PRPF31: variants seen among roughly 807,000 people sequenced by gnomAD.
The protein encoded by PRPF31 is pre-mRNA processing factor 31.
Under a neutral mutation model 60.4 loss-of-function variants are expected in PRPF31, and 12 were observed. The observed-to-expected ratio is 0.20, with a 90% CI of 0.13 to 0.32. PRPF31 has a LOEUF of 0.32. Ranked by LOEUF, PRPF31 falls within the 10% of genes least tolerant of loss-of-function variation. The probability of loss-of-function intolerance (pLI) is 1.00; values close to 1 mark genes in which losing one functional copy is unlikely to be tolerated. For synonymous variants in PRPF31, 287 were observed against 287.9 expected, an observed-to-expected ratio of 1.00 and a Z score of 0.03; for missense variants, 431 against 687.1, an observed-to-expected ratio of 0.63 and a Z score of 4.17.
intron 7 of PRPF31, chr19:54,124,289 C>A: frequency 1.6e-6 from 1 of 644,728 alleles, no homozygotes; most frequent in Non-Finnish European, 2.7e-6. Flanking sequence ...CCTGCACCCC[C>A]AGGCCAGCTG....
chr19:54,121,807 C>T (rs587643550), intron 3 of PRPF31, 53 bp from the exon 4 acceptor site: 60 of 1,537,322 alleles, frequency 3.9e-5, no homozygotes, highest in Non-Finnish European at 4.8e-5. Flanking sequence ...CTGCGGGACC[C>T]GAGAGGGGGT....
intron 7 of PRPF31, 178 bp from the exon 8 acceptor site, chr19:54,124,321 T>C: frequency 1.4e-6 from 1 of 693,790 alleles, no homozygotes; most frequent in Admixed American, 2.3e-5. Context: ...TGAGCCTCCT[T>C]TGCATCTGCC....
intron 12 of PRPF31, 41 bp from the exon 13 acceptor site, chr19:54,129,230 GT>G: frequency 6.2e-7 from 1 of 1,602,170 alleles, no homozygotes; most frequent in Non-Finnish European, 8.5e-7. Flanking sequence ...GGGACACAAG[GT>G]GGGGGGAGCC....
At chr19:54,116,529 G>A (rs1272440937) in intron 1 of PRPF31, among the ~76,000 whole-genome samples, 1 of 152,202 alleles carries the variant, frequency 6.6e-6, no homozygotes, top group Non-Finnish European at 1.5e-5. Flanking sequence ...TTACCCAAAA[G>A]TCTTAATATG....
intron 3 of PRPF31, among the ~76,000 whole-genome samples, chr19:54,119,137 C>G (rs138576298): frequency 0.022 from 3,283 of 152,228 alleles, 62 homozygotes; most frequent in African/African-American, 0.053. Flanking sequence ...AATCCCAGCA[C>G]TTTGGGAGGC....
chr19:54,129,239 G>C (rs767118963), intron 12 of PRPF31, 33 bp from the exon 13 acceptor site: 1 of 1,603,700 alleles, frequency 6.2e-7, no homozygotes. Flanking sequence ...GGTGGGGGGA[G>C]CCCAGATCGC....
intron 7 of PRPF31, 143 bp downstream of exon 7, chr19:54,124,061 G>A: frequency 1.4e-6 from 2 of 1,475,338 alleles, no homozygotes; most frequent in Non-Finnish European, 1.8e-6. Flanking sequence ...AGGTCAGCCA[G>A]CCTGGCACAC....
chr19:54,117,797 A>G (rs1010150866), intron 1 of PRPF31, among the ~76,000 whole-genome samples: 6 of 152,000 alleles, frequency 3.9e-5, no homozygotes, highest in African/African-American at 9.7e-5. Flanking sequence ...GTTGCAAGTG[A>G]GCCAAGACTG....
intron 9 of PRPF31, among the ~76,000 whole-genome samples, chr19:54,127,231 T>C (rs1219903424): frequency 6.6e-6 from 1 of 152,182 alleles, no homozygotes; most frequent in African/African-American, 2.4e-5. Flanking sequence ...GCGTTCCTTC[T>C]GGGGGATTCA....
Position 54,131,376 on chromosome 19 carries a change from A to G in PRPF31, c.1444A>G (p.Ser482Gly). The G allele has an allele frequency of 1.2e-6, 2 of 1,614,104 alleles. No homozygotes were observed. The highest frequency in any genetic ancestry group is 1.1e-5 in the South Asian group (1 of 91,092). Residue 482 changes from serine (S) to glycine (G), a missense_variant, in exon 14 of 14, where the codon AGC (serine) becomes GGC (glycine). Around this residue, in one of 4 missense-constraint regions of PRPF31, gnomAD observed 314 missense variants for 475.3 expected, o/e 0.66. Transcript: ENST00000321030. ...TGAGGCCAACCAGAAGTATTTCTCC[A>G]GCATGGCTGAGTTCCTCAAGGTCAA... is the stretch of plus-strand genomic sequence containing the variant. Reference protein sequence around the residue: ...VAEANQKYFSSMAEFLKVKGE... With the variant: ...VAEANQKYFSGMAEFLKVKGE...
chr19:54,131,296 C>T lies in PRPF31; in HGVS notation c.1375-11C>T, dbSNP rs1403706278. 1.9e-6 allele frequency: 3 copies of T among 1,613,808 alleles called. No homozygotes were observed. Among genetic ancestry groups the T allele is most frequent in the African/African-American group, 1.3e-5 (1 of 75,072 alleles). On this transcript the variant is annotated splice_polypyrimidine_tract_variant and intron_variant, in intron 13 of 13. Transcript: ENST00000321030. ...ACCTAACCCATCATCCTCTCTCCCT[C>T]ACCTGCCCAGGGCCTGGAGATTGTG...
intron 1 of PRPF31, 37 bp from the exon 2 acceptor site, chr19:54,118,234 G>A: frequency 2.5e-6 from 4 of 1,612,020 alleles, no homozygotes. Flanking sequence ...GACTTTGTCG[G>A]GGCAAGTTTT....
At chr19:54,128,454 T>G in intron 11 of PRPF31, 77 bp downstream of exon 11, 1 of 1,389,220 alleles carries the variant, frequency 7.2e-7, no homozygotes, top group Non-Finnish European at 1.0e-6. Context: ...CCACCGCCCC[T>G]CCTCTCGTCC....
In PRPF31 at chr19:54,126,518, G is replaced by A. The variant is rs751295902; in HGVS notation, c.856-10G>A. 3.0e-5 allele frequency: 49 copies of A among 1,611,638 alleles called. No homozygotes were observed. Among genetic ancestry groups the A allele is most frequent in the Non-Finnish European group, 3.7e-5 (44 of 1,179,082 alleles). ...CACACAGATTCCACCCCCGTTTTCC[G>A]TTGCTCCAGGATCTGCGGCGGAAAG... On this transcript the variant is annotated splice_polypyrimidine_tract_variant and intron_variant, in intron 8 of 13. Transcript: ENST00000321030.
chr19:54,120,239 G>C (rs1325603034), intron 3 of PRPF31: 1 of 152,246 alleles, frequency 6.6e-6, no homozygotes, highest in African/African-American at 2.4e-5. Flanking sequence ...TCTCCCTCCA[G>C]AGGGTTATGG....
chr19:54,125,707 T>C (rs2073905350), intron 8 of PRPF31, among the ~76,000 whole-genome samples: 2 of 152,082 alleles, frequency 1.3e-5, no homozygotes. Context: ...GTTTTTTTTG[T>C]GGTCTTTTCT....
At chr19:54,125,592 G>A (rs1430944145) in intron 8 of PRPF31, among the ~76,000 whole-genome samples, 1 of 152,042 alleles carries the variant, frequency 6.6e-6, no homozygotes, top group East Asian at 1.9e-4. Context: ...TCAGGCTCAC[G>A]GCCCTGTGCC....
At chr19:54,128,440 C>G in intron 11 of PRPF31, 63 bp downstream of exon 11, 1 of 1,456,124 alleles carries the variant, frequency 6.9e-7, no homozygotes. Context: ...CCCTCTGCCT[C>G]CTGCCACCGC....
At position 54,131,653 on chromosome 19, in the gene PRPF31, C is replaced by T; in HGVS notation, c.*221C>T. 1.6e-6 allele frequency: 1 copy of T among 629,622 alleles called. No homozygotes were observed. The highest frequency in any genetic ancestry group is 2.8e-6 in the Non-Finnish European group (1 of 360,598). 39.0% of individuals were successfully genotyped at this position (629,622 alleles called of 1,614,324 possible). A position where few individuals can be genotyped will look rare whatever the true frequency, so the allele number is the denominator to read the frequency against. ...AGAGCAGGTCTTCATCATGCCTTGTCTTTTTTAACTGAGAAAGGAGATTTT... is the reference window on the plus strand; with the variant it reads ...AGAGCAGGTCTTCATCATGCCTTGTTTTTTTTAACTGAGAAAGGAGATTTT... On this transcript the variant is annotated 3_prime_UTR_variant, in exon 14 of 14. Transcript: ENST00000321030.
Sources: allele counts gnomAD v4.1 joint callset (sites outside exome capture counted in the v4.1 genomes callset), GRCh38; gene constraint gnomAD v4.1.1; regional missense constraint gnomAD v4.1.1; transcripts MANE v1.5; gene names NCBI Gene and HGNC (gene_info 2026-07-23, HGNC 2026-07-21).